AGBL1: variants seen among roughly 807,000 people sequenced by gnomAD.
The protein encoded by AGBL1 is AGBL carboxypeptidase 1.
In AGBL1, 130 loss-of-function variants were observed where a neutral mutation model predicts 118.9. The ratio of observed to expected loss-of-function variants is 1.09; its 90% CI spans 0.95 to 1.26. The LOEUF (loss-of-function observed/expected upper bound fraction) is 1.26. AGBL1 is among the 50% of genes most tolerant of loss of function. The pLI is 0.00. For synonymous variants in AGBL1, 555 were observed against 478.9 expected, an observed-to-expected ratio of 1.16 and a Z score of -2.08; for missense variants, 1,584 against 1,298.1, an observed-to-expected ratio of 1.22 and a Z score of -3.38.
intron 21 of AGBL1, among the ~76,000 whole-genome samples, chr15:86,658,197 C>T (rs2085490316): frequency 6.6e-6 from 1 of 152,054 alleles, no homozygotes; most frequent in African/African-American, 2.4e-5. Context: ...TTGGTCACAG[C>T]ACTTTCAAAA....
chr15:86,968,901 C>T (rs1024635604), intron 23 of AGBL1, among the ~76,000 whole-genome samples: 1 of 151,866 alleles, frequency 6.6e-6, no homozygotes, highest in Admixed American at 6.6e-5. Context: ...CAAGCTCCCA[C>T]AGGCCTTCTT....
At chr15:86,268,636 G>T (rs2079109622) in intron 13 of AGBL1, among the ~76,000 whole-genome samples, 2 of 152,162 alleles carry the variant, frequency 1.3e-5, no homozygotes, top group African/African-American at 4.8e-5. Flanking sequence ...TTTGGAGAGA[G>T]CACTGTGGGA....
rs546206763 is a variant in AGBL1, at chr15:86,829,196, G to T, written c.3159-77891G>T. Among the ~76,000 whole-genome samples, 9 of 152,172 alleles carry T rather than the reference G, an allele frequency of 5.9e-5. No individual in the cohort carries two copies. The East Asian group carries it at 1.5e-3, about 26-fold the overall frequency. On this transcript the variant is annotated intron_variant, in intron 22 of 22. Coordinates refer to ENST00000614907, the MANE Select transcript of AGBL1 (RefSeq NM_001386094.1). ...TGTGCTGGGACTGTCTAAAGTTAAG[G>T]ATAAGTTGTTAGAATTTGCACTTTC...
rs1023598431 is a variant in AGBL1 at position 87,027,828 on chromosome 15, A to G, written c.3324-997A>G. On this transcript the variant is annotated intron_variant, in intron 24 of 24. Coordinates refer to the AGBL1 transcript ENST00000441037. ...GTTCTCACTTACAAGTGGGAGCTGA[A>G]CTTTGAGAACACATGGACACATCAA... 5.9e-5 allele frequency among the ~76,000 whole-genome samples: 9 copies of G among 151,970 alleles called. No homozygotes were observed. In the East Asian group the frequency reaches 1.7e-3, roughly 29 times the overall value.
intron 4 of AGBL1, among the ~76,000 whole-genome samples, chr15:86,157,425 T>A (rs1414030341): frequency 1.3e-5 from 2 of 152,166 alleles, no homozygotes; most frequent in Non-Finnish European, 2.9e-5. Context: ...TCCTAAAGCA[T>A]AAATAGGCTG....
At chr15:86,748,510 C>CTTTT (rs752203969) in intron 22 of AGBL1, among the ~76,000 whole-genome samples, 1 of 9,776 alleles carries the variant, frequency 1.0e-4, no homozygotes, top group African/African-American at 2.2e-4. Flanking sequence ...TCAATTTTGG[C>CTTTT]TTTTTTTTTT....
chr15:86,237,769 C>T (rs1022618035), intron 6 of AGBL1, among the ~76,000 whole-genome samples: 16 of 152,142 alleles, frequency 1.1e-4, no homozygotes, highest in African/African-American at 2.2e-4. Flanking sequence ...AACAGAAAGG[C>T]GAGTGAGAAA....
At chr15:86,191,890 T>C (rs1189540754) in intron 5 of AGBL1, among the ~76,000 whole-genome samples, 1 of 147,034 alleles carries the variant, frequency 6.8e-6, no homozygotes, top group African/African-American at 2.5e-5. Flanking sequence ...CTGGGCAACA[T>C]AGACCCTGTC....
intron 23 of AGBL1, among the ~76,000 whole-genome samples, chr15:86,956,006 A>T (rs565669574): frequency 6.6e-6 from 1 of 152,308 alleles, no homozygotes; most frequent in East Asian, 1.9e-4. Context: ...TGCTGTATCA[A>T]ATCTGGGTAA....
chr15:86,393,359 C>G (rs1276291551), intron 17 of AGBL1, among the ~76,000 whole-genome samples: 1 of 152,172 alleles, frequency 6.6e-6, no homozygotes, highest in Admixed American at 6.5e-5. Context: ...TTGTTAGTGT[C>G]AAAAATTTAC....
chr15:86,142,120 C>T (rs1483295320), intron 2 of AGBL1, 53 bp downstream of exon 2: 1 of 1,527,416 alleles, frequency 6.5e-7, no homozygotes, highest in Non-Finnish European at 8.9e-7. Context: ...AGCCTGCTGG[C>T]TGTGATCTCT....
chr15:86,771,051 G>A (rs1438829617), intron 22 of AGBL1, among the ~76,000 whole-genome samples: 1 of 152,018 alleles, frequency 6.6e-6, no homozygotes, highest in Non-Finnish European at 1.5e-5. Flanking sequence ...TCTTTCCTCA[G>A]CCACAGTCTA....
Position 86,811,585 on chromosome 15 carries a change from T to C in AGBL1, c.3159-95502T>C, listed in dbSNP as rs542350172. On this transcript the variant is annotated intron_variant, in intron 22 of 22. Transcript: ENST00000614907. ...CCAACTCCCCTCTGTTTTATTTCAT[T>C]GCAGTTGAATATTTAAGACTGTGAT... Among the ~76,000 whole-genome samples the C allele has an allele frequency of 1.1e-4, 17 of 152,326 alleles. No individual in the cohort carries two copies. In the South Asian group the frequency reaches 3.5e-3, roughly 32 times the overall value.
chr15:86,165,247 T>TA (rs1324591374), intron 5 of AGBL1, among the ~76,000 whole-genome samples: 1 of 152,138 alleles, frequency 6.6e-6, no homozygotes, highest in African/African-American at 2.4e-5. Context: ...ACCAATCTTC[T>TA]AGGGCCTCCC....
chr15:86,466,220 T>G (rs2142094230), intron 18 of AGBL1, among the ~76,000 whole-genome samples: 1 of 152,354 alleles, frequency 6.6e-6, no homozygotes, highest in African/African-American at 2.4e-5. Context: ...AATCTTGTTT[T>G]CATGCTTTAT....
chr15:86,331,392 C>T (rs916991753), intron 17 of AGBL1, among the ~76,000 whole-genome samples: 4 of 106,622 alleles, frequency 3.8e-5, no homozygotes, highest in Non-Finnish European at 8.0e-5. Context: ...GGGAATAATT[C>T]AAGAAAATTT....
intron 18 of AGBL1, among the ~76,000 whole-genome samples, chr15:86,518,184 G>A (rs540505296): frequency 1.7e-3 from 259 of 152,068 alleles, no homozygotes; most frequent in Admixed American, 2.4e-3. Flanking sequence ...TTTAGAAGGT[G>A]ACTCACTTTT....
In AGBL1 at chr15:86,913,514, G is replaced by A. The variant is rs184452154; in HGVS notation, c.*6220G>A. The A allele has an allele frequency of 1.9e-4, 29 of 152,310 alleles. No homozygotes were observed. The highest frequency in any genetic ancestry group is 1.7e-3 in the Admixed American group (26 of 15,302). 9.4% of individuals were successfully genotyped at this position (152,310 alleles called of 1,614,324 possible). On this transcript the variant is annotated 3_prime_UTR_variant, in exon 23 of 23. Coordinates refer to ENST00000614907, the MANE Select transcript of AGBL1 (RefSeq NM_001386094.1). ...AGTCTATGAGAGAATTACCAAATGA[G>A]CCACATTTAGTTCTTATGACAAGTA...
In AGBL1 at chr15:86,626,053, A is replaced by C. The variant is rs184291768; in HGVS notation, c.2995-48220A>C. On this transcript the variant is annotated intron_variant, in intron 21 of 22. Coordinates refer to ENST00000614907, the MANE Select transcript of AGBL1 (RefSeq NM_001386094.1). Reference sequence around the variant, plus strand: ...CTGGAAGAAAGAGATGCATGAACAGAAGTCAGGAAAAAAAGGGTTGCATTT... The same window carrying C: ...CTGGAAGAAAGAGATGCATGAACAGCAGTCAGGAAAAAAAGGGTTGCATTT... Among the ~76,000 whole-genome samples the C allele has an allele frequency of 2.1e-3, 315 of 152,248 alleles. 1 individual carries two copies. In the Middle Eastern group the frequency reaches 0.024, roughly 12 times the overall value.
Sources: gnomAD v4.1 joint callset for allele counts (sites outside exome capture counted in the v4.1 genomes callset) on GRCh38, gnomAD v4.1.1 for gene constraint, MANE v1.5 for transcripts, NCBI Gene and HGNC (gene_info 2026-07-23, HGNC 2026-07-21) for gene names.